Variants in SNX22 observed in about 807,000 individuals in gnomAD.
SNX22 encodes the protein sorting nexin 22, also known as sorting nexin-22.
In SNX22, 23 loss-of-function variants were observed where a neutral mutation model predicts 24.7. That is an observed-to-expected ratio of 0.93 (90% CI 0.67 to 1.32). SNX22 has a LOEUF of 1.32. Among genes scored for constraint, SNX22 ranks in the 40% most tolerant of loss-of-function variants. The pLI, the probability that SNX22 is intolerant of heterozygous loss-of-function variation, is 0.00. For missense variants in SNX22, 261 were observed against 249.9 expected, an observed-to-expected ratio of 1.04 and a Z score of -0.30; for synonymous variants, 99 against 104.0, an observed-to-expected ratio of 0.95 and a Z score of 0.29.
chr15:64,156,513 C>A lies in SNX22; in HGVS notation c.*2005C>A. 1 of 675,844 alleles carries A rather than the reference C, an allele frequency of 1.5e-6. No homozygotes were observed. The highest frequency in any genetic ancestry group is 2.7e-5 in the East Asian group (1 of 37,668). The allele number at this position is 675,844 out of a possible 1,614,324, so 41.9% of individuals were successfully genotyped here. ...GGGGAGGGAGGCTCTGGCAGTTGTG[C>A]AGCCTTCCTGGCTGGGCTCTGAGGG... On this transcript the variant is annotated 3_prime_UTR_variant, in exon 7 of 7. Coordinates refer to ENST00000325881, the MANE Select transcript of SNX22 (RefSeq NM_024798.3). This position sits in a 1 kb window ranked among gnomAD's most constrained non-coding sequence, Gnocchi z 6.4.
rs768182173 is a variant in SNX22 at position 64,153,251 on chromosome 15, C to G, written c.271C>G (p.Leu91Val). Reference sequence around the variant, plus strand: ...TCTCCTCTGTCCTCTCCAGGGCATCCTGTACCTGAACCAGGAGGTGCCCAA... The same window carrying G: ...TCTCCTCTGTCCTCTCCAGGGCATCGTGTACCTGAACCAGGAGGTGCCCAA... ...QGLEAYIQGI[L>V]YLNQEVPKEL... The change falls in exon 4 of 7, where the codon CTG (leucine) becomes GTG (valine). Residue 91 changes from leucine to valine, a missense_variant. By Grantham distance (32) the Leu-to-Val change is conservative. Coordinates refer to ENST00000325881, the MANE Select transcript of SNX22 (RefSeq NM_024798.3). 6.2e-7 allele frequency: 1 copy of G among 1,614,170 alleles called. No homozygotes were observed. The highest frequency in any genetic ancestry group is 2.2e-5 in the East Asian group (1 of 44,884).
Position 64,155,833 on chromosome 15 carries a change from A to C in SNX22, c.*1325A>C, listed in dbSNP as rs113626158. 39 of 792,740 alleles carry C rather than the reference A, an allele frequency of 4.9e-5. No individual in the cohort carries two copies. Among genetic ancestry groups the C allele is most frequent in the East Asian group, 3.1e-4 (11 of 36,044 alleles). 49.1% of individuals were successfully genotyped at this position (792,740 alleles called of 1,614,324 possible). A position where few individuals can be genotyped will look rare whatever the true frequency, so the allele number is the denominator to read the frequency against. ...CACATTATATATTAAAAAAAAAAAA[A>C]CCCACATTTTTTTTTATTGGTCAGT... On this transcript the variant is annotated 3_prime_UTR_variant, in exon 7 of 7. Transcript: ENST00000325881.
At chr15:64,153,474 G>A in intron 4 of SNX22, 135 bp downstream of exon 4, 1 of 1,460,100 alleles carries the variant, frequency 6.8e-7, no homozygotes, top group Non-Finnish European at 9.3e-7. Flanking sequence ...CTTGACCTGG[G>A]TGGAGGGGCT....
chr15:64,156,940 G>T lies in SNX22; in HGVS notation c.*2432G>T, dbSNP rs767544429. On this transcript the variant is annotated 3_prime_UTR_variant, in exon 7 of 7. Transcript: ENST00000325881. This position sits in a 1 kb window ranked among gnomAD's most constrained non-coding sequence, Gnocchi z 6.4. ...AAAAAAGACAGAGCAGGTCAGGGGCGCTGGATTGCGCCAAACCAAGCAGAC... is the reference window on the plus strand; with the variant it reads ...AAAAAAGACAGAGCAGGTCAGGGGCTCTGGATTGCGCCAAACCAAGCAGAC... 1 of 1,609,172 alleles carries T rather than the reference G, an allele frequency of 6.2e-7. No homozygotes were observed. Among genetic ancestry groups the T allele is most frequent in the Non-Finnish European group, 8.5e-7 (1 of 1,176,270 alleles).
intron 6 of SNX22, 114 bp from the exon 7 acceptor site, chr15:64,154,272 GC>G: frequency 6.3e-7 from 1 of 1,579,726 alleles, no homozygotes; most frequent in Non-Finnish European, 8.6e-7. Flanking sequence ...GGGGTGGACA[GC>G]TGCTGTCTGC....
Position 64,155,447 on chromosome 15 carries a change from G to A in SNX22, c.*939G>A, listed in dbSNP as rs569274717. Reference sequence around the variant, plus strand: ...CCCAATACTTTAGGAGGCCAAGGCAGGAGGATGCTTGGGTCTGGAAGTTTG... The same window carrying A: ...CCCAATACTTTAGGAGGCCAAGGCAAGAGGATGCTTGGGTCTGGAAGTTTG... On this transcript the variant is annotated 3_prime_UTR_variant, in exon 7 of 7. Transcript: ENST00000325881. The A allele has an allele frequency of 1.2e-3, 189 of 156,464 alleles. 1 individual carries two copies. Among genetic ancestry groups the A allele is most frequent in the Non-Finnish European group, 2.2e-3 (157 of 71,514 alleles). 9.7% of individuals were successfully genotyped at this position (156,464 alleles called of 1,614,324 possible). A position where few individuals can be genotyped will look rare whatever the true frequency, so the allele number is the denominator to read the frequency against.
In SNX22 at chr15:64,155,491, TAGTG is replaced by T. The variant is rs1033438467; in HGVS notation, c.*986_*989del. 1 of 144,742 alleles carries T rather than the reference TAGTG, an allele frequency of 6.9e-6. No individual in the cohort carries two copies. Among genetic ancestry groups the T allele is most frequent in the Non-Finnish European group, 1.4e-5 (1 of 72,488 alleles). 9.0% of individuals were successfully genotyped at this position (144,742 alleles called of 1,614,324 possible). A position where few individuals can be genotyped will look rare whatever the true frequency, so the allele number is the denominator to read the frequency against. ...AAGTTTGAGACCAGCCAGCGCAACA[TAGTG>T]AGACCTGTCTCTACCAAAAAAAAAA... On this transcript the variant is annotated 3_prime_UTR_variant, in exon 7 of 7. Coordinates refer to ENST00000325881, the MANE Select transcript of SNX22 (RefSeq NM_024798.3).
In SNX22 at chr15:64,155,868, A is replaced by AGTT; in HGVS notation, c.*1361_*1363dup. The stretch of plus-strand genomic sequence containing the variant: ...TTTTTTATTGGTCAGTGTTGGTAGG[A>AGTT]GTTTGTTACAAAAGTGAGTCCATGG... On this transcript the variant is annotated 3_prime_UTR_variant, in exon 7 of 7. Transcript: ENST00000325881. 2.9e-6 allele frequency: 3 copies of AGTT among 1,044,636 alleles called. No individual in the cohort carries two copies. The highest frequency in any genetic ancestry group is 4.4e-6 in the Non-Finnish European group (3 of 685,258). 64.7% of individuals were successfully genotyped at this position (1,044,636 alleles called of 1,614,324 possible). A position where few individuals can be genotyped will look rare whatever the true frequency, so the allele number is the denominator to read the frequency against.
intron 4 of SNX22, 94 bp from the exon 5 acceptor site, chr15:64,153,558 C>G (rs1362141578): frequency 1.3e-6 from 2 of 1,556,952 alleles, no homozygotes; most frequent in African/African-American, 2.7e-5. Flanking sequence ...CAGTGGTCCC[C>G]TGGGAGGTGC....
intron 3 of SNX22, 137 bp from the exon 4 acceptor site, chr15:64,153,108 C>T (rs1448165064): frequency 2.8e-6 from 3 of 1,079,462 alleles, no homozygotes; most frequent in Admixed American, 4.6e-5. Flanking sequence ...CCAGAAGGGC[C>T]CTGAGCCTGG....
Position 64,154,534 on chromosome 15 carries a change from C to CTTAGGAGCCTCTGTCATGTGG in SNX22, c.*26_*27insTTAGGAGCCTCTGTCATGTGG. ...TCAGTCCAGAGGCCTTTGGCTGCCT[C>CTTAGGAGCCTCTGTCATGTGG]CTAAGAAAGTCATGTGCCTCTGTCC... On this transcript the variant is annotated 3_prime_UTR_variant, in exon 7 of 7. Transcript: ENST00000325881. 1 of 1,612,004 alleles carries CTTAGGAGCCTCTGTCATGTGG rather than the reference C, an allele frequency of 6.2e-7. No individual in the cohort carries two copies. Among genetic ancestry groups the CTTAGGAGCCTCTGTCATGTGG allele is most frequent in the African/African-American group, 1.3e-5 (1 of 74,974 alleles).
chr15:64,151,879 C>T (rs1350637284), intron 1 of SNX22, 29 bp downstream of exon 1: 16 of 1,514,560 alleles, frequency 1.1e-5, no homozygotes, highest in Non-Finnish European at 6.2e-6. Flanking sequence ...TGGGGAGGGG[C>T]GCCGGGACCC....
intron 3 of SNX22, 74 bp downstream of exon 3, chr15:64,152,816 G>A (rs1356224143): frequency 7.3e-7 from 1 of 1,368,446 alleles, no homozygotes. Flanking sequence ...AGGTGTGGGG[G>A]CATGGCAGGG....
At position 64,156,615 on chromosome 15, in the gene SNX22, G is replaced by T. The variant is rs2081533593; in HGVS notation, c.*2107G>T. On this transcript the variant is annotated 3_prime_UTR_variant, in exon 7 of 7. Transcript: ENST00000325881. This position sits in a 1 kb window ranked among gnomAD's most constrained non-coding sequence, Gnocchi z 6.4. ...GACAGGAGCACTGGGCTGCATCTGT[G>T]GGTTGGGTCCTTTTGGGAAAGGGAT... The T allele has an allele frequency of 1.5e-6, 2 of 1,307,470 alleles. No individual in the cohort carries two copies. Among genetic ancestry groups the T allele is most frequent in the Non-Finnish European group, 2.2e-6 (2 of 901,572 alleles). 81.0% of individuals were successfully genotyped at this position (1,307,470 alleles called of 1,614,324 possible).
At chr15:64,154,124 C>T (rs149808143) in intron 6 of SNX22, 122 bp downstream of exon 6, 24 of 1,604,860 alleles carry the variant, frequency 1.5e-5, no homozygotes, top group Non-Finnish European at 2.0e-5. Context: ...CTACCTCCTG[C>T]TCCTGTCCCC....
rs906212724 is a variant in SNX22, at chr15:64,155,426, A to ATACTT, written c.*921_*925dup. 1.3e-5 allele frequency: 2 copies of ATACTT among 155,526 alleles called. No individual in the cohort carries two copies. Among genetic ancestry groups the ATACTT allele is most frequent in the South Asian group, 2.0e-4 (1 of 5,126 alleles). 9.6% of individuals were successfully genotyped at this position (155,526 alleles called of 1,614,324 possible). A position where few individuals can be genotyped will look rare whatever the true frequency, so the allele number is the denominator to read the frequency against. On this transcript the variant is annotated 3_prime_UTR_variant, in exon 7 of 7. Coordinates refer to ENST00000325881, the MANE Select transcript of SNX22 (RefSeq NM_024798.3). ...GCAGAGGCTCATGCCTGTAATCCCA[A>ATACTT]TACTTTAGGAGGCCAAGGCAGGAGG...
intron 5 of SNX22, 103 bp from the exon 6 acceptor site, chr15:64,153,831 CT>C: frequency 6.3e-7 from 1 of 1,593,064 alleles, no homozygotes. Context: ...TCCCACTCAC[CT>C]TTTCCTTCAT....
At position 64,156,396 on chromosome 15, in the gene SNX22, G is replaced by T; in HGVS notation, c.*1888G>T. The stretch of plus-strand genomic sequence containing the variant: ...GGCCAAGGGTGAGGAGGAGGAAGAG[G>T]GTGACCAGGGCATGTGGCTTCTCAG... On this transcript the variant is annotated 3_prime_UTR_variant, in exon 7 of 7. Coordinates refer to ENST00000325881, the MANE Select transcript of SNX22 (RefSeq NM_024798.3). This position sits in a 1 kb window ranked among gnomAD's most constrained non-coding sequence, Gnocchi z 6.4. 1 of 633,450 alleles carries T rather than the reference G, an allele frequency of 1.6e-6. No homozygotes were observed. The highest frequency in any genetic ancestry group is 1.8e-5 in the South Asian group (1 of 54,244). The allele number at this position is 633,450 out of a possible 1,614,324, so 39.2% of individuals were successfully genotyped here.
rs780789217 is a variant in SNX22, at chr15:64,153,654, C to T, written c.362C>T (p.Thr121Ile). 1.9e-6 allele frequency: 3 copies of T among 1,614,110 alleles called. No homozygotes were observed. In the South Asian group the frequency reaches 3.3e-5, roughly 18 times the overall value. The change falls in exon 5 of 7, where the codon ACC becomes ATC. Residue 121 changes from threonine to isoleucine, a missense_variant and splice_region_variant. Coordinates refer to ENST00000325881, the MANE Select transcript of SNX22 (RefSeq NM_024798.3). The part of the protein sequence containing the change: ...PTDPKASNWG[T>I]LREFLPGDSS... ...TACAGTGTTTCTCTTCTCTTCAGCA[C>T]CCTGAGGGAGTTCCTGCCTGGCGAC...
Sources: gnomAD v4.1 joint callset for allele counts on GRCh38, gnomAD v4.1.1 for gene constraint, Gnocchi (gnomAD v3.1) non-coding constraint, MANE v1.5 for transcripts, NCBI Gene and HGNC (gene_info 2026-07-23, HGNC 2026-07-21) for gene names.